The following MTDH variants were observed in gnomAD, a reference collection of about 807,000 sequenced individuals.
MTDH encodes the protein metadherin, also known as protein LYRIC.
A neutral mutation model predicts 72.7 loss-of-function variants in MTDH; 34 were observed. The ratio of observed to expected loss-of-function variants is 0.47; its 90% CI spans 0.36 to 0.62. MTDH has a LOEUF of 0.62. MTDH is among the 20% of genes least tolerant of loss of function. MTDH has a pLI of 0.00. For missense variants in MTDH, 677 were observed against 699.4 expected, an observed-to-expected ratio of 0.97 and a Z score of 0.36; for synonymous variants, 266 against 268.9, an observed-to-expected ratio of 0.99 and a Z score of 0.10.
chr8:97,710,700 A>T (rs1410766891), intron 8 of MTDH, among the ~76,000 whole-genome samples: 1 of 149,116 alleles, frequency 6.7e-6, no homozygotes, highest in East Asian at 2.0e-4. Flanking sequence ...AAAAAAAAAA[A>T]AAAAAAAAAA....
chr8:97,693,710 G>C (rs1271776608), intron 6 of MTDH, among the ~76,000 whole-genome samples: 1 of 151,374 alleles, frequency 6.6e-6, no homozygotes, highest in Non-Finnish European at 1.5e-5. Context: ...ATGTTTTTTT[G>C]TTTTGTTTTG....
chr8:97,722,383 C>T (rs1299193752), intron 10 of MTDH, among the ~76,000 whole-genome samples: 1 of 152,214 alleles, frequency 6.6e-6, no homozygotes, highest in South Asian at 2.1e-4. Flanking sequence ...AGGCGGATCA[C>T]GAAGTCAAGA....
chr8:97,683,045 C>CCT, intron 2 of MTDH, among the ~76,000 whole-genome samples: 1 of 44,386 alleles, frequency 2.3e-5, no homozygotes. Context: ...CTCTTAGACA[C>CCT]TTTTTTTTTT....
intron 6 of MTDH, among the ~76,000 whole-genome samples, chr8:97,692,973 C>A (rs997399905): frequency 1.3e-5 from 2 of 152,144 alleles, no homozygotes; most frequent in Non-Finnish European, 2.9e-5. Context: ...CTCAAGTTGT[C>A]TTCCTACCCC....
At chr8:97,651,786 C>T (rs750237302) in intron 1 of MTDH, among the ~76,000 whole-genome samples, 3 of 152,216 alleles carry the variant, frequency 2.0e-5, no homozygotes, top group Admixed American at 2.0e-4. Flanking sequence ...GAGTCTGATA[C>T]GTATCTCAAA....
At chr8:97,658,569 A>G (rs916140639) in intron 1 of MTDH, among the ~76,000 whole-genome samples, 4 of 152,226 alleles carry the variant, frequency 2.6e-5, no homozygotes, top group Admixed American at 1.3e-4. Context: ...ATAAATCCCA[A>G]TGACTCAGTG....
chr8:97,677,490 CAAAA>C (rs934211630), intron 2 of MTDH, among the ~76,000 whole-genome samples: 13 of 77,186 alleles, frequency 1.7e-4, no homozygotes, highest in South Asian at 1.2e-3. Context: ...GACTCCATCT[CAAAA>C]AAAAAAAAAA....
intron 2 of MTDH, among the ~76,000 whole-genome samples, chr8:97,666,798 G>A (rs1159821043): frequency 6.6e-6 from 1 of 152,088 alleles, no homozygotes; most frequent in Non-Finnish European, 1.5e-5. Context: ...CCAGGTTCAA[G>A]CAATTCTCAT....
At chr8:97,719,215 C>T (rs565367746) in intron 10 of MTDH, 26 bp downstream of exon 10, 2 of 1,608,196 alleles carry the variant, frequency 1.2e-6, no homozygotes, top group African/African-American at 1.3e-5. Flanking sequence ...AATAAAGTTG[C>T]CGGGCGCAGT....
chr8:97,650,052 T>G (rs963871312), intron 1 of MTDH, among the ~76,000 whole-genome samples: 1 of 150,768 alleles, frequency 6.6e-6, no homozygotes, highest in African/African-American at 2.4e-5. Flanking sequence ...ACCTCCCGGG[T>G]TCACGCACGT....
At chr8:97,705,976 T>G (rs1481052001) in intron 7 of MTDH, among the ~76,000 whole-genome samples, 2 of 152,242 alleles carry the variant, frequency 1.3e-5, no homozygotes, top group Non-Finnish European at 2.9e-5. Flanking sequence ...ATAAAATTTA[T>G]TTTTGATAAT....
intron 4 of MTDH, 117 bp from the exon 5 acceptor site, chr8:97,688,921 C>G: frequency 2.4e-6 from 1 of 424,964 alleles, no homozygotes; most frequent in Non-Finnish European, 4.1e-6. Context: ...GAATTTAGCA[C>G]TTGAAGGAGC....
Position 97,729,198 on chromosome 8 carries a change from G to A in MTDH, c.*4528G>A, listed in dbSNP as rs142838371. ...TGCCTTGGCCTCCCAAAGTGCTGGTGTTACAGGTGTGAGCCACCACACCTG... is the reference window on the plus strand; with the variant it reads ...TGCCTTGGCCTCCCAAAGTGCTGGTATTACAGGTGTGAGCCACCACACCTG... On this transcript the variant is annotated 3_prime_UTR_variant, in exon 12 of 12. Transcript: ENST00000336273. Among the ~76,000 whole-genome samples, 3,668 of 151,110 alleles carry A rather than the reference G, an allele frequency of 0.024. 71 individuals carry two copies. The highest frequency in any genetic ancestry group is 0.044 in the South Asian group (211 of 4,784).
At chr8:97,724,024 G>T (rs571121119) in intron 11 of MTDH, among the ~76,000 whole-genome samples, 2 of 152,134 alleles carry the variant, frequency 1.3e-5, no homozygotes, top group African/African-American at 4.8e-5. Context: ...CAGGAGAATC[G>T]CTTGAACGCG....
intron 11 of MTDH, among the ~76,000 whole-genome samples, chr8:97,724,306 C>T (rs1377724884): frequency 6.6e-6 from 1 of 152,088 alleles, no homozygotes; most frequent in African/African-American, 2.4e-5. Context: ...CCATTTTACC[C>T]ATTTTTCTCT....
chr8:97,696,855 C>T (rs1447642060), intron 6 of MTDH, among the ~76,000 whole-genome samples: 1 of 151,748 alleles, frequency 6.6e-6, no homozygotes, highest in Non-Finnish European at 1.5e-5. Context: ...TGGTGGCTCA[C>T]ATCTCTAATC....
intron 6 of MTDH, among the ~76,000 whole-genome samples, chr8:97,692,939 C>T (rs1325164419): frequency 6.6e-6 from 1 of 152,086 alleles, no homozygotes; most frequent in East Asian, 1.9e-4. Flanking sequence ...ACCATGTTGG[C>T]CACACTGGTC....
At chr8:97,692,011 C>G (rs1438273973) in intron 6 of MTDH, among the ~76,000 whole-genome samples, 1 of 152,102 alleles carries the variant, frequency 6.6e-6, no homozygotes, top group Non-Finnish European at 1.5e-5. Context: ...TCCCGAGTAG[C>G]TGGGATTATA....
intron 2 of MTDH, among the ~76,000 whole-genome samples, chr8:97,668,291 A>G (rs994503004): frequency 1.3e-5 from 2 of 152,152 alleles, no homozygotes; most frequent in Non-Finnish European, 1.5e-5. Context: ...CATCTCAAAA[A>G]AAAAGAAAAA....
Sources: allele counts gnomAD v4.1 joint callset (sites outside exome capture counted in the v4.1 genomes callset), GRCh38; gene constraint gnomAD v4.1.1; transcripts MANE v1.5; gene names NCBI Gene and HGNC (gene_info 2026-07-23, HGNC 2026-07-21).